The following ST6GALNAC5 variants were observed in gnomAD, a reference collection of about 807,000 sequenced individuals.
The protein encoded by ST6GALNAC5 is alpha-N-acetylgalactosaminide alpha-2,6-sialyltransferase 5.
In ST6GALNAC5, 27 loss-of-function variants were observed where a neutral mutation model predicts 33.6. The observed-to-expected ratio is 0.80, with a 90% confidence interval of 0.59 to 1.11. The LOEUF is 1.11. Among genes scored for constraint, ST6GALNAC5 ranks in the 50% least tolerant of loss-of-function variants. The pLI is 0.00. For missense variants in ST6GALNAC5, 428 were observed against 454.0 expected (o/e 0.94, Z 0.52); for synonymous variants, 194 against 171.2 (o/e 1.13, Z -1.04).
intron 2 of ST6GALNAC5, among the ~76,000 whole-genome samples, chr1:76,876,384 A>G (rs1653639323): frequency 6.6e-6 from 1 of 152,204 alleles, no homozygotes; most frequent in Admixed American, 6.5e-5. Flanking sequence ...CCCATTGAGC[A>G]ATGACAGGGG....
rs557658017 is a variant in ST6GALNAC5 at position 76,868,371 on chromosome 1, G to C, written c.16-126G>C. ...CTCTGTCCCAGTTGCGTGCGGCGGG[G>C]CTGGGGCCCAGGCCGCCCCAAATCT... On this transcript the variant is annotated intron_variant, in intron 1 of 4. Coordinates refer to ENST00000477717, the MANE Select transcript of ST6GALNAC5 (RefSeq NM_030965.3). The surrounding 1 kb of genome is among the most constrained non-coding windows in gnomAD (Gnocchi z 4.3). 11,533 of 1,372,496 alleles carry C rather than the reference G, an allele frequency of 8.4e-3. 75 individuals are homozygous for C. The highest frequency in any genetic ancestry group is 8.9e-3 in the Non-Finnish European group (9,249 of 1,035,668). 85.0% of individuals were successfully genotyped at this position (1,372,496 alleles called of 1,614,324 possible). A position where few individuals can be genotyped will look rare whatever the true frequency, so the allele number is the denominator to read the frequency against.
chr1:76,910,611 T>C (rs1570662958), intron 2 of ST6GALNAC5, among the ~76,000 whole-genome samples: 1 of 152,074 alleles, frequency 6.6e-6, no homozygotes, highest in African/African-American at 2.4e-5. Context: ...CTTTAAACTA[T>C]AAAATACTGA....
At chr1:76,939,003 A>C (rs1377088595) in intron 2 of ST6GALNAC5, among the ~76,000 whole-genome samples, 1 of 152,138 alleles carries the variant, frequency 6.6e-6, no homozygotes, top group Non-Finnish European at 1.5e-5. Flanking sequence ...ACAGAATTAA[A>C]TGTTTTCAAT....
intron 2 of ST6GALNAC5, among the ~76,000 whole-genome samples, chr1:76,974,969 T>A (rs1022717285): frequency 4.6e-5 from 7 of 151,696 alleles, no homozygotes; most frequent in Non-Finnish European, 2.9e-5. Flanking sequence ...GTATTTTTAG[T>A]AGAAACGGGG....
intron 3 of ST6GALNAC5, among the ~76,000 whole-genome samples, chr1:77,046,652 T>C (rs1054768934): frequency 6.6e-6 from 1 of 152,218 alleles, no homozygotes; most frequent in Non-Finnish European, 1.5e-5. Context: ...TGTCACTCAG[T>C]TGAATGAGTT....
At chr1:76,905,485 C>A (rs1206448937) in intron 2 of ST6GALNAC5, among the ~76,000 whole-genome samples, 3 of 152,172 alleles carry the variant, frequency 2.0e-5, no homozygotes, top group African/African-American at 7.2e-5. Flanking sequence ...GGGAAGGGAA[C>A]AGCGTATTTC....
intron 2 of ST6GALNAC5, among the ~76,000 whole-genome samples, chr1:76,961,932 C>A (rs900153293): frequency 1.3e-5 from 2 of 152,158 alleles, no homozygotes; most frequent in African/African-American, 4.8e-5. Context: ...CCATTGAAAT[C>A]CATGTGCTTA....
At chr1:76,895,632 G>C (rs1284738932) in intron 2 of ST6GALNAC5, among the ~76,000 whole-genome samples, 1 of 152,178 alleles carries the variant, frequency 6.6e-6, no homozygotes, top group Non-Finnish European at 1.5e-5. Context: ...TTTACTTCAA[G>C]AGTTAAGAGT....
At chr1:76,944,452 G>T (rs1320551810) in intron 2 of ST6GALNAC5, among the ~76,000 whole-genome samples, 1 of 151,974 alleles carries the variant, frequency 6.6e-6, no homozygotes, top group Non-Finnish European at 1.5e-5. Context: ...AAATTGGATG[G>T]CCCCCTCTCT....
At chr1:76,902,437 G>A (rs757486808) in intron 2 of ST6GALNAC5, among the ~76,000 whole-genome samples, 1 of 152,024 alleles carries the variant, frequency 6.6e-6, no homozygotes, top group Non-Finnish European at 1.5e-5. Context: ...TAAGATAATA[G>A]TGCTCCTCAA....
Position 77,044,323 on chromosome 1 carries a change from C to T in ST6GALNAC5, c.381C>T (p.Pro127=), listed in dbSNP as rs35763299. The T allele has an allele frequency of 2.1e-3, 3,396 of 1,614,004 alleles. 65 individuals are homozygous for T. The African/African-American group carries it at 0.04, about 19-fold the overall frequency. Residue 127 remains proline, a synonymous_variant, in exon 3 of 5, where the codon CCC becomes CCT. Coordinates refer to ENST00000477717, the MANE Select transcript of ST6GALNAC5 (RefSeq NM_030965.3). ...TECVIRMNDA[P]TRGYGRDVGN... is the part of the protein sequence containing the mutation. ...GTGTCATCCGCATGAATGACGCCCC[C>T]ACACGCGGCTATGGGCGTGACGTGG...
intron 2 of ST6GALNAC5, among the ~76,000 whole-genome samples, chr1:76,911,620 A>T (rs889294120): frequency 3.9e-5 from 6 of 151,928 alleles, no homozygotes; most frequent in African/African-American, 9.7e-5. Context: ...ACAATTTCAG[A>T]TCCTGTTATT....
intron 2 of ST6GALNAC5, among the ~76,000 whole-genome samples, chr1:76,910,832 C>T (rs1389791590): frequency 6.6e-6 from 1 of 151,696 alleles, no homozygotes; most frequent in Non-Finnish European, 1.5e-5. Context: ...AATTCTGCTC[C>T]TCTGACTATA....
intron 2 of ST6GALNAC5, among the ~76,000 whole-genome samples, chr1:76,973,301 C>T (rs1648838089): frequency 6.6e-6 from 1 of 151,840 alleles, no homozygotes; most frequent in Non-Finnish European, 1.5e-5. Flanking sequence ...TTTGGAAAGG[C>T]CAAAACCTGA....
intron 4 of ST6GALNAC5, among the ~76,000 whole-genome samples, chr1:77,057,558 C>A (rs1652442341): frequency 6.6e-6 from 1 of 152,124 alleles, no homozygotes; most frequent in African/African-American, 2.4e-5. Flanking sequence ...GAGGAGGTAG[C>A]AAGGTATGTT....
intron 2 of ST6GALNAC5, among the ~76,000 whole-genome samples, chr1:77,031,305 G>T (rs943643572): frequency 6.6e-6 from 1 of 152,198 alleles, no homozygotes; most frequent in African/African-American, 2.4e-5. Context: ...GAAAAATTAT[G>T]ATTTTGTTTA....
chr1:76,938,771 G>T (rs1480783981), intron 2 of ST6GALNAC5, among the ~76,000 whole-genome samples: 1 of 152,102 alleles, frequency 6.6e-6, no homozygotes, highest in Non-Finnish European at 1.5e-5. Context: ...ATTTTTGCAG[G>T]CTATTTCTGC....
chr1:76,891,052 A>G (rs1654002109), intron 2 of ST6GALNAC5, among the ~76,000 whole-genome samples: 1 of 152,226 alleles, frequency 6.6e-6, no homozygotes, highest in Non-Finnish European at 1.5e-5. Context: ...TTGTGGAAGT[A>G]CAAGTTTGTG....
At chr1:76,950,724 G>A (rs1182417288) in intron 2 of ST6GALNAC5, among the ~76,000 whole-genome samples, 1 of 152,112 alleles carries the variant, frequency 6.6e-6, no homozygotes, top group East Asian at 1.9e-4. Context: ...GACAAGGGTA[G>A]AGGTAACTGA....
Sources: gnomAD v4.1 joint callset for allele counts (sites outside exome capture counted in the v4.1 genomes callset) on GRCh38, gnomAD v4.1.1 for gene constraint, Gnocchi (gnomAD v3.1) non-coding constraint, MANE v1.5 for transcripts, NCBI Gene and HGNC (gene_info 2026-07-23, HGNC 2026-07-21) for gene names.